U2SURP: variants seen among roughly 807,000 people sequenced by gnomAD.
The protein encoded by U2SURP is U2 snRNP-associated SURP motif-containing protein.
U2SURP carries 9 observed loss-of-function variants against 144.9 expected under a neutral mutation model. The observed-to-expected ratio is 0.06, with a 90% CI of 0.04 to 0.11. The LOEUF (loss-of-function observed/expected upper bound fraction) is 0.11, where lower values mean the gene tolerates loss of function less well. Ranked by LOEUF, U2SURP falls within the 10% of genes least tolerant of loss-of-function variation. The probability of loss-of-function intolerance (pLI) is 1.00; values close to 1 mark genes in which losing one functional copy is unlikely to be tolerated. For missense variants in U2SURP, 724 were observed against 1,226.7 expected, an observed-to-expected ratio of 0.59 and a Z score of 6.12; for synonymous variants, 408 against 396.8, an observed-to-expected ratio of 1.03 and a Z score of -0.33.
At chr3:143,016,814 T>A in intron 5 of U2SURP, 28 bp from the exon 6 acceptor site, 1 of 1,499,034 alleles carries the variant, frequency 6.7e-7, no homozygotes, top group Non-Finnish European at 8.9e-7. Flanking sequence ...GCGAAATTAG[T>A]TTTGAAACTT....
At chr3:143,049,265 CAAAAAAAAAAAAAAAAA>C (rs200930787) in intron 24 of U2SURP, among the ~76,000 whole-genome samples, 1 of 81,520 alleles carries the variant, frequency 1.2e-5, no homozygotes. Flanking sequence ...GACTCCATCT[CAAAAAAAAAAAAAAAAA>C]AAAAAAAAAA....
At chr3:143,014,126 A>G (rs1261236847) in intron 3 of U2SURP, among the ~76,000 whole-genome samples, 185 bp from the exon 4 acceptor site, 2 of 151,904 alleles carry the variant, frequency 1.3e-5, no homozygotes, top group Non-Finnish European at 2.9e-5. Context: ...TTCTTTGATG[A>G]ATACTTAACA....
At chr3:143,029,364 GA>G (rs1933345793) in intron 16 of U2SURP, among the ~76,000 whole-genome samples, 3 of 152,208 alleles carry the variant, frequency 2.0e-5, no homozygotes. Flanking sequence ...ATTATTTTTC[GA>G]ACAGCATGTG....
chr3:143,045,253 C>G (rs1934365448), intron 24 of U2SURP, among the ~76,000 whole-genome samples: 1 of 151,856 alleles, frequency 6.6e-6, no homozygotes, highest in Non-Finnish European at 1.5e-5. Flanking sequence ...CCTGTAGTCC[C>G]CGCTACTCAG....
intron 25 of U2SURP, among the ~76,000 whole-genome samples, chr3:143,052,195 G>A (rs1205548640): frequency 6.6e-6 from 1 of 152,140 alleles, no homozygotes; most frequent in African/African-American, 2.4e-5. Context: ...AGGAGTTCAA[G>A]ACCAGCCTGA....
chr3:143,008,683 A>G (rs1935967434), intron 1 of U2SURP, among the ~76,000 whole-genome samples: 1 of 152,150 alleles, frequency 6.6e-6, no homozygotes, highest in African/African-American at 2.4e-5. Context: ...AGATGTTTTT[A>G]TATTTTTTGT....
intron 25 of U2SURP, among the ~76,000 whole-genome samples, chr3:143,051,542 AG>A (rs2108317749): frequency 7.1e-6 from 1 of 141,744 alleles, no homozygotes; most frequent in Non-Finnish European, 1.5e-5. Flanking sequence ...CAAAATTTAT[AG>A]GCATGTGCAG....
rs767597694 is a variant in U2SURP at position 143,001,652 on chromosome 3, A to G, written c.24A>G (p.Gly8=). ...AGATGGCGGACAAAACGCCAGGCGG[A>G]TCTCAGAAGGCCAGTTCAAAGGTAA... MADKTPG[G]SQKASSKTRS... is the part of the protein sequence containing the mutation. The change falls in exon 1 of 28, where the codon GGA becomes GGG. Residue 8 remains glycine (G), a synonymous_variant. Transcript: ENST00000473835. The G allele has an allele frequency of 1.2e-6, 2 of 1,613,898 alleles. No homozygotes were observed. The highest frequency in any genetic ancestry group is 1.7e-5 in the Admixed American group (1 of 60,006).
intron 1 of U2SURP, among the ~76,000 whole-genome samples, chr3:143,006,119 A>G (rs1313976388): frequency 2.6e-5 from 4 of 152,246 alleles, no homozygotes; most frequent in East Asian, 3.8e-4. Flanking sequence ...TAGATAAACT[A>G]TAGGTTATTC....
chr3:143,026,430 TGATA>T (rs1180747337), intron 13 of U2SURP: 1 of 152,184 alleles, frequency 6.6e-6, no homozygotes, highest in Admixed American at 6.6e-5. Flanking sequence ...CTTCATTGAT[TGATA>T]GTGTACAGGC....
At chr3:143,020,479 A>G in intron 7 of U2SURP, 120 bp from the exon 8 acceptor site, 2 of 702,486 alleles carry the variant, frequency 2.8e-6, no homozygotes, top group Non-Finnish European at 4.9e-6. Context: ...GGTTATCAGT[A>G]CCAGTATTTA....
intron 1 of U2SURP, among the ~76,000 whole-genome samples, chr3:143,009,209 T>C (rs1048791051): frequency 2.0e-5 from 3 of 152,220 alleles, no homozygotes; most frequent in African/African-American, 7.2e-5. Flanking sequence ...ACTAAAAATT[T>C]TCTTTTATAC....
rs1935197391 is a variant in U2SURP, at chr3:143,057,397, G to C, written c.*947G>C. The C allele has an allele frequency of 2.5e-5, 2 of 80,862 alleles. No individual in the cohort carries two copies. Among genetic ancestry groups the C allele is most frequent in the African/African-American group, 1.2e-4 (2 of 17,332 alleles). 5.0% of individuals were successfully genotyped at this position (80,862 alleles called of 1,614,324 possible). A position where few individuals can be genotyped will look rare whatever the true frequency, so the allele number is the denominator to read the frequency against. ...AAGTTTGTGTTTAAACAGCTTAGTT[G>C]GTCCCCCCCCACTCCCAAGAGACTT... On this transcript the variant is annotated 3_prime_UTR_variant, in exon 28 of 28. Coordinates refer to ENST00000473835, the MANE Select transcript of U2SURP (RefSeq NM_001080415.2).
In U2SURP at chr3:143,057,779, T is replaced by G. The variant is rs1370527617; in HGVS notation, c.*1329T>G. On this transcript the variant is annotated 3_prime_UTR_variant, in exon 28 of 28. Transcript: ENST00000473835. ...ATTCTAACAATGGATTATTTTGATTTAGCTTGCTTTTTAAAAAAATCTTTT... is the reference window on the plus strand; with the variant it reads ...ATTCTAACAATGGATTATTTTGATTGAGCTTGCTTTTTAAAAAAATCTTTT... The G allele has an allele frequency of 6.6e-6, 1 of 152,068 alleles. No homozygotes were observed. The highest frequency in any genetic ancestry group is 1.5e-5 in the Non-Finnish European group (1 of 67,850). 9.4% of individuals were successfully genotyped at this position (152,068 alleles called of 1,614,324 possible). A position where few individuals can be genotyped will look rare whatever the true frequency, so the allele number is the denominator to read the frequency against.
intron 6 of U2SURP, 40 bp downstream of exon 6, chr3:143,017,015 A>G (rs1358022583): frequency 2.0e-6 from 3 of 1,530,858 alleles, no homozygotes; most frequent in South Asian, 1.3e-5. Flanking sequence ...ATGTTCAGAG[A>G]TGACACTGCC....
chr3:143,032,795 A>C lies in U2SURP; in HGVS notation c.1622A>C (p.Lys541Thr). The change falls in exon 17 of 28, where the codon AAA (lysine) becomes ACA (threonine). Residue 541 changes from lysine (K) to threonine (T), a missense_variant. Physicochemically the swap from Lys to Thr is moderately conservative, Grantham distance 78. Around this residue, in one of 13 missense-constraint regions of U2SURP, gnomAD observed 66 missense variants for 95.0 expected, o/e 0.69. Coordinates refer to ENST00000473835, the MANE Select transcript of U2SURP (RefSeq NM_001080415.2). ...CAATTTATGTTCAGACAGAGGGATA[A>C]ATTGGAAGAAATCTTGCGGGGATTA... ...KGALKEEQRD[K>T]LEEILRGLTP... is the part of the protein sequence containing the mutation. 6.2e-7 allele frequency: 1 copy of C among 1,612,492 alleles called. No homozygotes were observed. The highest frequency in any genetic ancestry group is 8.5e-7 in the Non-Finnish European group (1 of 1,179,318).
intron 14 of U2SURP, among the ~76,000 whole-genome samples, chr3:143,027,946 A>G (rs1367173275): frequency 6.6e-6 from 1 of 152,202 alleles, no homozygotes; most frequent in African/African-American, 2.4e-5. Flanking sequence ...TGAGTTTTAA[A>G]ATAAATTGCT....
rs762834528 is a variant in U2SURP, at chr3:143,001,645, C to T, written c.17C>T (p.Pro6Leu). MADKT[P>L]GGSQKASSKT... ...AAGCTCAAGATGGCGGACAAAACGC[C>T]AGGCGGATCTCAGAAGGCCAGTTCA... The change falls in exon 1 of 28, where the codon CCA becomes CTA. Residue 6 changes from proline (P) to leucine (L), a missense_variant. Coordinates refer to ENST00000473835, the MANE Select transcript of U2SURP (RefSeq NM_001080415.2). The T allele has an allele frequency of 1.9e-6, 3 of 1,613,900 alleles. No individual in the cohort carries two copies. The highest frequency in any genetic ancestry group is 2.7e-5 in the African/African-American group (2 of 74,944).
At chr3:143,020,318 A>AG (rs762185036) in intron 7 of U2SURP, among the ~76,000 whole-genome samples, 23 of 152,162 alleles carry the variant, frequency 1.5e-4, no homozygotes, top group Non-Finnish European at 2.9e-4. Flanking sequence ...GATGGGAGTG[A>AG]GGGGCAGTTA....
Sources: gnomAD v4.1 joint callset for allele counts (sites outside exome capture counted in the v4.1 genomes callset) on GRCh38, gnomAD v4.1.1 for gene constraint, gnomAD v4.1.1 regional missense constraint, MANE v1.5 for transcripts, NCBI Gene and HGNC (gene_info 2026-07-23, HGNC 2026-07-21) for gene names.